CSMD3: variants seen among roughly 807,000 people sequenced by gnomAD.
CSMD3 encodes the protein CUB and sushi domain-containing protein 3.
In CSMD3, 177 loss-of-function variants were observed where a neutral mutation model predicts 435.2. That is an observed-to-expected ratio of 0.41 (90% CI 0.36 to 0.46). The LOEUF is 0.46. Among genes scored for constraint, CSMD3 ranks in the 20% least tolerant of loss-of-function variants. CSMD3 has a pLI of 0.34. For missense variants in CSMD3, 4,265 were observed against 4,504.6 expected (o/e 0.95, Z 1.52); for synonymous variants, 1,656 against 1,520.5 (o/e 1.09, Z -2.07).
In CSMD3 at chr8:113,016,405, T is replaced by C. The variant is rs564740786; in HGVS notation, c.1030+2662A>G. Among the ~76,000 whole-genome samples the C allele has an allele frequency of 3.3e-5, 5 of 151,940 alleles. No homozygotes were observed. The South Asian group carries it at 6.2e-4, about 19-fold the overall frequency. ...GGTTATATTTGGGAAAGCACAGCAGTGTGTGTCTATGTACCTACTCCATCA... is the reference window on the plus strand; with the variant it reads ...GGTTATATTTGGGAAAGCACAGCAGCGTGTGTCTATGTACCTACTCCATCA... On this transcript the variant is annotated intron_variant, in intron 6 of 70. Coordinates refer to ENST00000297405, the MANE Select transcript of CSMD3 (RefSeq NM_198123.2).
chr8:112,391,648 C>A (rs151021337), intron 35 of CSMD3, among the ~76,000 whole-genome samples: 1 of 151,098 alleles, frequency 6.6e-6, no homozygotes, highest in African/African-American at 2.4e-5. Flanking sequence ...GCTGAGATTG[C>A]GCCACTGCAC....
chr8:112,569,300 T>C (rs1829309698), intron 24 of CSMD3, among the ~76,000 whole-genome samples: 1 of 152,144 alleles, frequency 6.6e-6, no homozygotes, highest in African/African-American at 2.4e-5. Context: ...AAATCCTTGT[T>C]GATCTTGTTA....
At chr8:112,536,903 G>C (rs1381980153) in intron 27 of CSMD3, among the ~76,000 whole-genome samples, 2 of 151,920 alleles carry the variant, frequency 1.3e-5, no homozygotes, top group African/African-American at 2.4e-5. Context: ...ATCATTCTCA[G>C]TAAACTATTG....
chr8:113,098,574 T>C lies in CSMD3; in HGVS notation c.917+182A>G. On this transcript the variant is annotated intron_variant, in intron 5 of 70. Transcript: ENST00000297405. ...GTTTATACAAGTTTTGAATTTCATC[T>C]ATTTTTTATGTAAATAGCTCGATCT... 8.4e-6 allele frequency: 5 copies of C among 593,968 alleles called. No individual in the cohort carries two copies. The East Asian group carries it at 1.4e-4, about 17-fold the overall frequency. 36.8% of individuals were successfully genotyped at this position (593,968 alleles called of 1,614,324 possible). A position where few individuals can be genotyped will look rare whatever the true frequency, so the allele number is the denominator to read the frequency against.
intron 3 of CSMD3, among the ~76,000 whole-genome samples, chr8:113,264,710 TTTAA>T (rs2093454341): frequency 6.6e-6 from 1 of 151,652 alleles, no homozygotes; most frequent in Non-Finnish European, 1.5e-5. Context: ...TTCGTCTATT[TTTAA>T]TTATTTAAAA....
At chr8:112,539,747 A>C (rs1826484739) in intron 27 of CSMD3, among the ~76,000 whole-genome samples, 1 of 152,102 alleles carries the variant, frequency 6.6e-6, no homozygotes, top group African/African-American at 2.4e-5. Flanking sequence ...ACACAAAACT[A>C]AAATCAAAAT....
intron 10 of CSMD3, among the ~76,000 whole-genome samples, chr8:112,897,643 G>A (rs1402259142): frequency 6.7e-6 from 1 of 148,822 alleles, no homozygotes; most frequent in Admixed American, 6.7e-5. Flanking sequence ...TATTTCTATC[G>A]AGAACTCCCT....
intron 3 of CSMD3, among the ~76,000 whole-genome samples, chr8:113,230,948 TATAA>T (rs941152771): frequency 4.0e-5 from 6 of 151,516 alleles, no homozygotes; most frequent in African/African-American, 1.4e-4. Context: ...TTCAACAATA[TATAA>T]ATGTCATTTA....
At chr8:113,014,901 A>G (rs2086396721) in intron 6 of CSMD3, among the ~76,000 whole-genome samples, 1 of 152,198 alleles carries the variant, frequency 6.6e-6, no homozygotes, top group African/African-American at 2.4e-5. Flanking sequence ...CTTTTAATTT[A>G]CAAAACAATA....
At chr8:112,534,308 T>C (rs1402836464) in intron 27 of CSMD3, among the ~76,000 whole-genome samples, 2 of 150,908 alleles carry the variant, frequency 1.3e-5, no homozygotes, top group Non-Finnish European at 3.0e-5. Flanking sequence ...GAGAGAAGAA[T>C]CAAACAGACA....
intron 23 of CSMD3, among the ~76,000 whole-genome samples, chr8:112,585,815 C>T (rs1324126957): frequency 6.6e-6 from 1 of 151,546 alleles, no homozygotes; most frequent in Non-Finnish European, 1.5e-5. Context: ...ATTTTCCCCC[C>T]ATAATTTGCT....
chr8:113,193,180 C>T (rs534119131), intron 3 of CSMD3, among the ~76,000 whole-genome samples: 3 of 151,142 alleles, frequency 2.0e-5, no homozygotes, highest in South Asian at 2.1e-4. Flanking sequence ...TATTCCATCT[C>T]GTATTCGTAT....
intron 32 of CSMD3, among the ~76,000 whole-genome samples, chr8:112,447,451 A>G (rs2130561755): frequency 6.6e-6 from 1 of 152,294 alleles, no homozygotes; most frequent in East Asian, 1.9e-4. Context: ...CCTATCCCAC[A>G]AATAAGATCA....
intron 12 of CSMD3, among the ~76,000 whole-genome samples, chr8:112,828,563 C>T (rs937067770): frequency 6.6e-6 from 1 of 152,204 alleles, no homozygotes; most frequent in Non-Finnish European, 1.5e-5. Flanking sequence ...CGAGGTCTCC[C>T]AGTCATGCTT....
intron 22 of CSMD3, among the ~76,000 whole-genome samples, chr8:112,603,864 T>C (rs1832578410): frequency 1.3e-5 from 2 of 152,226 alleles, no homozygotes. Context: ...ATGATGAATG[T>C]GTAAGGAATA....
At chr8:113,069,343 G>A (rs752657957) in intron 5 of CSMD3, among the ~76,000 whole-genome samples, 1 of 152,034 alleles carries the variant, frequency 6.6e-6, no homozygotes, top group Non-Finnish European at 1.5e-5. Context: ...GGAACAACAT[G>A]TCTTCTCTTT....
rs571544557 is a variant in CSMD3, at chr8:112,241,126, A to G, written c.10468+594T>C. Reference sequence around the variant, plus strand: ...ACTTCATTTGCATGAAGCTTATTATATAATTATTTAATTATTATTTCTTTT... The same window carrying G: ...ACTTCATTTGCATGAAGCTTATTATGTAATTATTTAATTATTATTTCTTTT... On this transcript the variant is annotated intron_variant, in intron 66 of 70. Coordinates refer to ENST00000297405, the MANE Select transcript of CSMD3 (RefSeq NM_198123.2). Among the ~76,000 whole-genome samples the G allele has an allele frequency of 1.0e-3, 152 of 152,118 alleles. 1 individual carries two copies. Among genetic ancestry groups the G allele is most frequent in the Middle Eastern group, 6.8e-3 (2 of 294 alleles).
intron 21 of CSMD3, among the ~76,000 whole-genome samples, chr8:112,638,243 T>C (rs1299857699): frequency 6.7e-6 from 1 of 149,334 alleles, no homozygotes; most frequent in Non-Finnish European, 1.5e-5. Flanking sequence ...TTAAGATCAT[T>C]AATTCTGGCC....
At chr8:113,398,846 G>A (rs1310767228) in intron 1 of CSMD3, among the ~76,000 whole-genome samples, 1 of 151,618 alleles carries the variant, frequency 6.6e-6, no homozygotes, top group Non-Finnish European at 1.5e-5. Context: ...TAAAAGAATT[G>A]CATAAATTTA....
Sources: allele counts gnomAD v4.1 joint callset (sites outside exome capture counted in the v4.1 genomes callset), GRCh38; gene constraint gnomAD v4.1.1; transcripts MANE v1.5; gene names NCBI Gene and HGNC (gene_info 2026-07-23, HGNC 2026-07-21).